The following DCTN1 variants were observed in gnomAD, a reference collection of about 807,000 sequenced individuals.
The protein encoded by DCTN1 is 150 kDa dynein-associated polypeptide.
In DCTN1, 61 loss-of-function variants were observed where a neutral mutation model predicts 161.2. That is an observed-to-expected ratio of 0.38 (90% CI 0.31 to 0.47). The LOEUF is 0.47. Among genes scored for constraint, DCTN1 ranks in the 20% least tolerant of loss-of-function variants. The pLI is 0.99. For missense variants in DCTN1, 1,404 were observed against 1,623.7 expected (o/e 0.86, Z 2.33); for synonymous variants, 653 against 632.4 (o/e 1.03, Z -0.49).
chr2:74,381,858 AT>A (rs1675524970), upstream of DCTN1, among the ~76,000 whole-genome samples: 1 of 152,234 alleles, frequency 6.6e-6, no homozygotes, highest in Admixed American at 6.5e-5. Flanking sequence ...ACCGCCTGGT[AT>A]TTAATAAGTG....
chr2:74,376,257 C>G (rs1221449272), intron 5 of DCTN1, among the ~76,000 whole-genome samples: 1 of 152,096 alleles, frequency 6.6e-6, no homozygotes, highest in African/African-American at 2.4e-5. Context: ...CATCCACAGG[C>G]AGGCACATGA....
chr2:74,366,820 G>C lies in DCTN1; in HGVS notation c.2429C>G (p.Ala810Gly), dbSNP rs372500630. The C allele has an allele frequency of 5.0e-6, 8 of 1,614,250 alleles. No individual in the cohort carries two copies. The highest frequency in any genetic ancestry group is 1.3e-5 in the African/African-American group (1 of 75,070). Reference protein sequence around the residue: ...KIRRRMPGTDAPGIPAALAFG... With the variant: ...KIRRRMPGTDGPGIPAALAFG... ...GGCCAGTGCAGCTGGGATCCCAGGA[G>C]CATCTGTCCCTGGCATTCGCCTTCG... is the stretch of plus-strand genomic sequence containing the variant. The change falls in exon 21 of 32, where the codon GCT becomes GGT. Residue 810 changes from alanine (A) to glycine (G), a missense_variant. This residue lies in a region of DCTN1 where 475 missense variants were observed against 489.8 expected (regional missense o/e 0.97). Transcript: ENST00000628224.
In DCTN1 at chr2:74,369,772, C is replaced by A. The variant is rs143526948; in HGVS notation, c.1392+193G>T. Among the ~76,000 whole-genome samples, 3 of 149,192 alleles carry A rather than the reference C, an allele frequency of 2.0e-5. No individual in the cohort carries two copies. The highest frequency in any genetic ancestry group is 7.5e-5 in the African/African-American group (3 of 40,132). ...AGGTTGCAGTGAGCCGAGATTATTG[C>A]GCCACTGCGCTCCAGCCTGGCAACA... On this transcript the variant is annotated intron_variant, in intron 13 of 31. Coordinates refer to ENST00000628224, the MANE Select transcript of DCTN1 (RefSeq NM_004082.5). The surrounding 1 kb of genome is among the most constrained non-coding windows in gnomAD (Gnocchi z 4.9).
rs1372304538 is a variant in DCTN1, at chr2:74,363,773, ACT to A, written c.3197-147_3197-146del. 3 of 1,063,136 alleles carry A rather than the reference ACT, an allele frequency of 2.8e-6. No individual in the cohort carries two copies. In the African/African-American group the frequency reaches 4.7e-5, roughly 17 times the overall value. 65.9% of individuals were successfully genotyped at this position (1,063,136 alleles called of 1,614,324 possible). ...TAATCATCATACTTTCTCTAACAAG[ACT>A]CTCTGCCACCTATCTTTGGGGACGA... is the stretch of plus-strand genomic sequence containing the variant. On this transcript the variant is annotated intron_variant, in intron 26 of 31. Coordinates refer to ENST00000628224, the MANE Select transcript of DCTN1 (RefSeq NM_004082.5).
intron 1 of DCTN1, among the ~76,000 whole-genome samples, chr2:74,379,239 A>G (rs768500722): frequency 1.3e-5 from 2 of 152,190 alleles, no homozygotes; most frequent in African/African-American, 2.4e-5. Flanking sequence ...AACTCCATGA[A>G]CCAGGGGCCT....
chr2:74,361,558 G>A lies in DCTN1; in HGVS notation c.3778C>T (p.His1260Tyr), dbSNP rs1375787578. The A allele has an allele frequency of 2.5e-6, 4 of 1,614,172 alleles. No individual in the cohort carries two copies. The highest frequency in any genetic ancestry group is 1.1e-5 in the South Asian group (1 of 91,086). The part of the protein sequence containing the change: ...FSCAAGFGQR[H>Y]RLVLTQEQLH... The stretch of plus-strand genomic sequence containing the variant: ...TGCTCCTGGGTCAGCACCAGCCGGT[G>A]TCGCTGTCCAAAACCAGCCGCACAT... The change falls in exon 32 of 32, where the codon CAC becomes TAC. Residue 1260 changes from histidine to tyrosine, a missense_variant. This residue lies in a region of DCTN1 where 311 missense variants were observed against 298.9 expected (regional missense o/e 1.04). Coordinates refer to ENST00000628224, the MANE Select transcript of DCTN1 (RefSeq NM_004082.5).
At chr2:74,387,461 T>C (rs1009742983) in intron 1 of DCTN1, among the ~76,000 whole-genome samples, 6 of 152,160 alleles carry the variant, frequency 3.9e-5, no homozygotes, top group African/African-American at 1.2e-4. Flanking sequence ...TCAAGTTCAA[T>C]ATGACCCAAA....
intron 1 of DCTN1, chr2:74,391,692 CCGCCCCG>C: frequency 2.4e-6 from 1 of 414,762 alleles, no homozygotes; most frequent in East Asian, 7.3e-5. Flanking sequence ...CTGCCAGTCC[CCGCCCCG>C]CACACCGGGC....
chr2:74,367,894 TAG>T (rs1674542825), intron 17 of DCTN1, 30 bp from the exon 18 acceptor site: 1 of 1,614,098 alleles, frequency 6.2e-7, no homozygotes, highest in Non-Finnish European at 8.5e-7. Flanking sequence ...ACTGTGAGGC[TAG>T]AGTCTGCCAG....
chr2:74,391,644 C>G (rs1406613223), intron 1 of DCTN1: 1 of 367,234 alleles, frequency 2.7e-6, no homozygotes, highest in East Asian at 7.6e-5. Flanking sequence ...GGGGCAAACG[C>G]TCAGGCGGAG....
In DCTN1 at chr2:74,378,126, C is replaced by G. The variant is rs765144648; in HGVS notation, c.153G>C (p.Leu51=). 1 of 1,614,284 alleles carries G rather than the reference C, an allele frequency of 6.2e-7. No homozygotes were observed. The highest frequency in any genetic ancestry group is 8.5e-7 in the Non-Finnish European group (1 of 1,180,058). Residue 51 remains leucine, a synonymous_variant, in exon 2 of 32, where the codon CTG becomes CTC. Transcript: ENST00000628224. ...RGTVAYVGAT[L]FATGKWVGVI... ...CGCCTACCCATTTGCCAGTGGCAAA[C>G]AGTGTGGCTCCAACATAGGCCACAG...
intron 5 of DCTN1, 49 bp from the exon 6 acceptor site, chr2:74,374,389 A>T (rs201224008): frequency 3.1e-6 from 5 of 1,612,050 alleles, no homozygotes; most frequent in Non-Finnish European, 4.2e-6. Flanking sequence ...AGGAAAGAGG[A>T]GGGACAGAGG....
chr2:74,382,493 G>C (rs570614447), upstream of DCTN1, among the ~76,000 whole-genome samples: 22 of 151,300 alleles, frequency 1.5e-4, no homozygotes, highest in African/African-American at 5.3e-4. Context: ...CTAGCTACTT[G>C]AGAGACTATA....
chr2:74,379,894 C>T, intron 1 of DCTN1, 111 bp downstream of exon 1: 7 of 1,115,042 alleles, frequency 6.3e-6, no homozygotes, highest in Non-Finnish European at 9.4e-6. Flanking sequence ...AGTCTGAGTG[C>T]CCTCAGCTGA....
chr2:74,374,719 A>G, intron 5 of DCTN1: 1 of 1,178,954 alleles, frequency 8.5e-7, no homozygotes, highest in Non-Finnish European at 1.1e-6. Flanking sequence ...CCTCTGCTCC[A>G]TGGGGGTGGA....
At chr2:74,374,732 C>T (rs755667039) in intron 5 of DCTN1, 8 of 1,169,750 alleles carry the variant, frequency 6.8e-6, no homozygotes, top group Non-Finnish European at 8.6e-6. Flanking sequence ...GGGGTGGAGC[C>T]ACTGCTCCTC....
chr2:74,366,316 G>C lies in DCTN1; in HGVS notation c.2688C>G (p.Leu896=). The part of the protein sequence containing the change: ...YECLRQSCNI[L]ISTMNKLATA... ...TGGCCAGCTTGTTCATGGTACTGAT[G>C]AGGATGTTGCATGACTGGCGCAGAC... The change falls in exon 23 of 32, where the codon CTC becomes CTG. Residue 896 remains leucine (L), a synonymous_variant. Coordinates refer to ENST00000628224, the MANE Select transcript of DCTN1 (RefSeq NM_004082.5). The C allele has an allele frequency of 6.2e-7, 1 of 1,614,224 alleles. No homozygotes were observed. Among genetic ancestry groups the C allele is most frequent in the Non-Finnish European group, 8.5e-7 (1 of 1,180,040 alleles).
intron 1 of DCTN1, among the ~76,000 whole-genome samples, chr2:74,386,248 TTC>T (rs1266961323): frequency 1.3e-5 from 2 of 152,294 alleles, no homozygotes; most frequent in African/African-American, 4.8e-5. Context: ...GGGATTAAAT[TTC>T]TGTCTTCTCT....
Position 74,362,055 on chromosome 2 carries a change from G to A in DCTN1, c.3696C>T (p.Leu1232=), listed in dbSNP as rs1277244240. 6.2e-7 allele frequency: 1 copy of A among 1,613,620 alleles called. No individual in the cohort carries two copies. Among genetic ancestry groups the A allele is most frequent in the Non-Finnish European group, 8.5e-7 (1 of 1,179,738 alleles). Residue 1232 remains leucine, a synonymous_variant, in exon 31 of 32, where the codon CTC becomes CTT. Transcript: ENST00000628224. The part of the protein sequence containing the change: ...DFATFPSSAF[L]RAKEEQQDDT... ...TCCACCCCATGCTCCCCCTCACCCT[G>A]AGGAAGGCTGATGAAGGGAAGGTGG... is the stretch of plus-strand genomic sequence containing the variant.
Sources: allele counts gnomAD v4.1 joint callset (sites outside exome capture counted in the v4.1 genomes callset), GRCh38; gene constraint gnomAD v4.1.1; regional missense constraint gnomAD v4.1.1; non-coding constraint Gnocchi (gnomAD v3.1); transcripts MANE v1.5; gene names NCBI Gene and HGNC (gene_info 2026-07-23, HGNC 2026-07-21).